Variants in ARHGEF25 observed in about 807,000 individuals in gnomAD.
The protein encoded by ARHGEF25 is RAC/CDC42 exchange factor.
ARHGEF25 carries 42 observed loss-of-function variants against 74.0 expected under a neutral mutation model. The ratio of observed to expected loss-of-function variants is 0.57; its 90% CI spans 0.44 to 0.73. The LOEUF (loss-of-function observed/expected upper bound fraction) is 0.73, where lower values mean the gene tolerates loss of function less well. Among genes scored for constraint, ARHGEF25 ranks in the 30% least tolerant of loss-of-function variants. The pLI is 0.00. For missense variants in ARHGEF25, 645 were observed against 725.5 expected (o/e 0.89, Z 1.27); for synonymous variants, 293 against 278.6 (o/e 1.05, Z -0.51).
Position 57,611,614 on chromosome 12 carries a change from A to C in ARHGEF25, c.-281A>C. ...CCTCCCCCTTCCACTGGACATCTGG[A>C]CCCTAGGCCCCCGCACCGACAGGGT... On this transcript the variant is annotated 5_prime_UTR_variant, in exon 1 of 15. Transcript: ENST00000286494. This position sits in a 1 kb window ranked among gnomAD's most constrained non-coding sequence, Gnocchi z 4.5. The C allele has an allele frequency of 2.0e-6, 2 of 1,017,818 alleles. No individual in the cohort carries two copies. The highest frequency in any genetic ancestry group is 1.8e-5 in the African/African-American group (1 of 56,636). 63.0% of individuals were successfully genotyped at this position (1,017,818 alleles called of 1,614,324 possible).
At chr12:57,612,193 G>T in intron 1 of ARHGEF25, 1 of 354,508 alleles carries the variant, frequency 2.8e-6, no homozygotes. Flanking sequence ...AAGGGGCAGG[G>T]AACTCATCTC....
At chr12:57,612,652 AC>A in intron 1 of ARHGEF25, 1 of 1,208,546 alleles carries the variant, frequency 8.3e-7, no homozygotes, top group South Asian at 2.8e-5. Flanking sequence ...GGCTGCCCCC[AC>A]CCCCATATCT....
chr12:57,613,936 C>G, intron 5 of ARHGEF25, 80 bp from the exon 6 acceptor site: 1 of 1,519,492 alleles, frequency 6.6e-7, no homozygotes, highest in Non-Finnish European at 9.1e-7. Context: ...GGAACACACC[C>G]TGGATTTGTG....
rs767570617 is a variant in ARHGEF25, at chr12:57,614,159, G to A, written c.656+40G>A. 6.2e-7 allele frequency: 1 copy of A among 1,607,386 alleles called. No individual in the cohort carries two copies. The highest frequency in any genetic ancestry group is 8.5e-7 in the Non-Finnish European group (1 of 1,174,068). On this transcript the variant is annotated intron_variant, in intron 6 of 14. Transcript: ENST00000286494. The surrounding 1 kb of genome is among the most constrained non-coding windows in gnomAD (Gnocchi z 4.6). ...TCTGACAGCTAGGTGCTGGAGAGGG[G>A]CCCTCATCTGGTTGTCCTGTATCCT...
chr12:57,616,903 A>G lies in ARHGEF25; in HGVS notation c.*9A>G. ...ATGAAGATGAGCTGTAACTGGTGAA[A>G]ACCATGGGGGTGGTGCTGACTCAGC... On this transcript the variant is annotated 3_prime_UTR_variant, in exon 15 of 15. Transcript: ENST00000286494. 6.2e-7 allele frequency: 1 copy of G among 1,608,950 alleles called. No individual in the cohort carries two copies. Among genetic ancestry groups the G allele is most frequent in the African/African-American group, 1.3e-5 (1 of 74,910 alleles).
chr12:57,611,674 GC>G lies in ARHGEF25; in HGVS notation c.-217del, dbSNP rs1243417523. The G allele has an allele frequency of 4.4e-6, 5 of 1,127,418 alleles. No individual in the cohort carries two copies. The highest frequency in any genetic ancestry group is 8.8e-5 in the East Asian group (2 of 22,846). 69.8% of individuals were successfully genotyped at this position (1,127,418 alleles called of 1,614,324 possible). On this transcript the variant is annotated 5_prime_UTR_variant, in exon 1 of 15. Transcript: ENST00000286494. This position sits in a 1 kb window ranked among gnomAD's most constrained non-coding sequence, Gnocchi z 4.5. ...CCTCCCCGCCCAGCCCGGCGGCCGG[GC>G]CCCGCGCCTCTCTCTCTCTAGAGCC...
At position 57,614,447 on chromosome 12, in the gene ARHGEF25, T is replaced by A; in HGVS notation, c.726+47T>A. On this transcript the variant is annotated intron_variant, in intron 7 of 14. Coordinates refer to ENST00000286494, the MANE Select transcript of ARHGEF25 (RefSeq NM_182947.4). This position sits in a 1 kb window ranked among gnomAD's most constrained non-coding sequence, Gnocchi z 4.6. ...CCTGGGGCGGGGCTTAGGAATGGGC[T>A]GGGATTCTCTGGAGATGCGTCCTCC... 6.2e-7 allele frequency: 1 copy of A among 1,613,998 alleles called. No individual in the cohort carries two copies. Among genetic ancestry groups the A allele is most frequent in the South Asian group, 1.1e-5 (1 of 91,076 alleles).
chr12:57,615,614 G>C lies in ARHGEF25; in HGVS notation c.1141G>C (p.Val381Leu). The C allele has an allele frequency of 6.2e-7, 1 of 1,614,160 alleles. No individual in the cohort carries two copies. The highest frequency in any genetic ancestry group is 8.5e-7 in the Non-Finnish European group (1 of 1,180,034). ...GTCTTCCCGAGGTCGAGAGAGGCGC[G>C]TCTTCCTCTTTGAGCAAATCATCAT... ...LLSSRGRERR[V>L]FLFEQIIIFS... Residue 381 changes from valine (V) to leucine (L), a missense_variant, in exon 12 of 15, where the codon GTC (valine) becomes CTC (leucine). Physicochemically the swap from Val to Leu is conservative, Grantham distance 32. Transcript: ENST00000286494.
chr12:57,613,761 G>A lies in ARHGEF25; in HGVS notation c.552+1G>A. ...GGACGACTTGGGGCAGATTGTGGAG[G>A]TAGCTCCCTTTACCCCTTCCCAGCC... On this transcript the variant is annotated splice_donor_variant, in intron 5 of 14. Coordinates refer to ENST00000286494, the MANE Select transcript of ARHGEF25 (RefSeq NM_182947.4). LOFTEE classifies it high-confidence loss of function. 2 of 1,614,004 alleles carry A rather than the reference G, an allele frequency of 1.2e-6. No homozygotes were observed. Among genetic ancestry groups the A allele is most frequent in the Non-Finnish European group, 1.7e-6 (2 of 1,179,944 alleles).
chr12:57,613,952 G>T, intron 5 of ARHGEF25, 64 bp from the exon 6 acceptor site: 1 of 1,546,922 alleles, frequency 6.5e-7, no homozygotes, highest in Middle Eastern at 1.8e-4. Context: ...TTGTGTACAG[G>T]AGCACCATTA....
In ARHGEF25 at chr12:57,615,262, T is replaced by C. The variant is rs989235653; in HGVS notation, c.986T>C (p.Val329Ala). 2 of 1,608,086 alleles carry C rather than the reference T, an allele frequency of 1.2e-6. No individual in the cohort carries two copies. The highest frequency in any genetic ancestry group is 1.7e-6 in the Non-Finnish European group (2 of 1,177,230). ...CAAGCTGTGGAGGTCATGTGCTTTGTGCCCAAGCGCTGCAACGATATGATG... is the reference window on the plus strand; with the variant it reads ...CAAGCTGTGGAGGTCATGTGCTTTGCGCCCAAGCGCTGCAACGATATGATG... ...LEQAVEVMCFVPKRCNDMMTL... is the reference protein window; with the variant it reads ...LEQAVEVMCFAPKRCNDMMTL... The change falls in exon 11 of 15, where the codon GTG (valine) becomes GCG (alanine). Residue 329 changes from valine (V) to alanine (A), a missense_variant. Val to Ala is a moderately conservative substitution (Grantham distance 64). Coordinates refer to ENST00000286494, the MANE Select transcript of ARHGEF25 (RefSeq NM_182947.4).
chr12:57,613,041 GC>G lies in ARHGEF25; in HGVS notation c.215del (p.Pro72GlnfsTer7). 6.2e-7 allele frequency: 1 copy of G among 1,614,062 alleles called. No homozygotes were observed. The highest frequency in any genetic ancestry group is 8.5e-7 in the Non-Finnish European group (1 of 1,179,978). The part of the protein sequence containing the change: ...SGLSSGPCSP[G>X]PPGPVSGLRR... ...CTCAGCTCTGGCCCCTGTTCCCCAG[GC>G]CCCCCAGGGCCCGTCAGTGGCCTGA... On this transcript the variant is annotated frameshift_variant, in exon 2 of 15. Coordinates refer to ENST00000286494, the MANE Select transcript of ARHGEF25 (RefSeq NM_182947.4). LOFTEE classifies it high-confidence loss of function.
chr12:57,611,538 C>A lies in ARHGEF25; in HGVS notation c.-357C>A. On this transcript the variant is annotated 5_prime_UTR_variant, in exon 1 of 15. Transcript: ENST00000286494. This position sits in a 1 kb window ranked among gnomAD's most constrained non-coding sequence, Gnocchi z 4.5. ...CCTAGAGCCACCCCTAACCAGAGGC[C>A]GGAGACAGCTGGAGCGGCTGCCGCA... 7 of 990,098 alleles carry A rather than the reference C, an allele frequency of 7.1e-6. No homozygotes were observed. The highest frequency in any genetic ancestry group is 8.4e-6 in the Non-Finnish European group (7 of 833,140). 61.3% of individuals were successfully genotyped at this position (990,098 alleles called of 1,614,324 possible).
At chr12:57,615,789 AG>A (rs761763978) in intron 12 of ARHGEF25, 47 bp from the exon 13 acceptor site, 10 of 1,612,444 alleles carry the variant, frequency 6.2e-6, no homozygotes, top group African/African-American at 1.3e-5. Context: ...CAGAGGAGCC[AG>A]GGAGGGCCTG....
chr12:57,611,782 G>A lies in ARHGEF25; in HGVS notation c.-113G>A, dbSNP rs1884058826. On this transcript the variant is annotated 5_prime_UTR_variant, in exon 1 of 15. Transcript: ENST00000286494. The surrounding 1 kb of genome is among the most constrained non-coding windows in gnomAD (Gnocchi z 4.5). ...CCTCCCTCCCCCCCTCCCACAGCCTGGACCGGGGTAGGAGGGAGGGGGGGT... is the reference window on the plus strand; with the variant it reads ...CCTCCCTCCCCCCCTCCCACAGCCTAGACCGGGGTAGGAGGGAGGGGGGGT... 1.8e-6 allele frequency: 2 copies of A among 1,140,144 alleles called. No individual in the cohort carries two copies. The highest frequency in any genetic ancestry group is 2.2e-6 in the Non-Finnish European group (2 of 909,932). The allele number at this position is 1,140,144 out of a possible 1,614,324, so 70.6% of individuals were successfully genotyped here.
intron 5 of ARHGEF25, 86 bp from the exon 6 acceptor site, chr12:57,613,930 C>T (rs1884168010): frequency 1.3e-6 from 2 of 1,503,116 alleles, no homozygotes; most frequent in South Asian, 1.2e-5. Flanking sequence ...GGAGGTGGAA[C>T]ACACCCTGGA....
At position 57,614,590 on chromosome 12, in the gene ARHGEF25, G is replaced by A. The variant is rs763265626; in HGVS notation, c.801G>A (p.Gly267=). Residue 267 remains glycine, a synonymous_variant, in exon 8 of 15, where the codon GGG becomes GGA. Coordinates refer to ENST00000286494, the MANE Select transcript of ARHGEF25 (RefSeq NM_182947.4). This position sits in a 1 kb window ranked among gnomAD's most constrained non-coding sequence, Gnocchi z 4.6. Reference sequence around the variant, plus strand: ...CAGAGCATGTGGTGTCAGAGTTTGGGGACAGCTACTTTGAGGTCAGTAGCT... The same window carrying A: ...CAGAGCATGTGGTGTCAGAGTTTGGAGACAGCTACTTTGAGGTCAGTAGCT... The part of the protein sequence containing the change: ...PKSEHVVSEF[G]DSYFEELRQQ... The A allele has an allele frequency of 2.4e-5, 38 of 1,613,684 alleles. No individual in the cohort carries two copies. The highest frequency in any genetic ancestry group is 8.5e-7 in the Non-Finnish European group (1 of 1,179,980).
Position 57,616,816 on chromosome 12 carries a change from C to A in ARHGEF25, c.1665C>A (p.Asp555Glu). 1 of 1,613,866 alleles carries A rather than the reference C, an allele frequency of 6.2e-7. No homozygotes were observed. Among genetic ancestry groups the A allele is most frequent in the Non-Finnish European group, 8.5e-7 (1 of 1,179,758 alleles). The change falls in exon 15 of 15, where the codon GAC becomes GAA. Residue 555 changes from aspartate to glutamate, a missense_variant. This residue lies in a region of ARHGEF25 where 262 missense variants were observed against 256.9 expected (regional missense o/e 1.02). Coordinates refer to ENST00000286494, the MANE Select transcript of ARHGEF25 (RefSeq NM_182947.4). Reference protein sequence around the residue: ...ALGDIPQAPHDSPPVSPTPKT... With the variant: ...ALGDIPQAPHESPPVSPTPKT... ...GTGACATCCCCCAGGCTCCCCATGA[C>A]TCTCCTCCAGTCTCTCCAACTCCAA... is the stretch of plus-strand genomic sequence containing the variant.
At chr12:57,616,562 C>G (rs1323007986) in intron 14 of ARHGEF25, 67 bp downstream of exon 14, 2 of 1,442,574 alleles carry the variant, frequency 1.4e-6, no homozygotes, top group Middle Eastern at 3.7e-4. Flanking sequence ...TCTGGGACCC[C>G]AAGTTCCCTC....
Sources: allele counts gnomAD v4.1 joint callset, GRCh38; gene constraint gnomAD v4.1.1; regional missense constraint gnomAD v4.1.1; non-coding constraint Gnocchi (gnomAD v3.1); transcripts MANE v1.5; gene names NCBI Gene and HGNC (gene_info 2026-07-23, HGNC 2026-07-21).